Variants in ADAMTS19 observed in about 807,000 individuals in gnomAD.
ADAMTS19 encodes A disintegrin and metalloproteinase with thrombospondin motifs 19.
ADAMTS19 carries 93 observed loss-of-function variants against 153.3 expected under a neutral mutation model. The ratio of observed to expected loss-of-function variants is 0.61; its 90% CI spans 0.51 to 0.72. The LOEUF is 0.72. ADAMTS19 is among the 30% of genes least tolerant of loss of function. The pLI is 0.00. For synonymous variants in ADAMTS19, 600 were observed against 556.6 expected, an observed-to-expected ratio of 1.08 and a Z score of -1.10; for missense variants, 1,482 against 1,552.1, an observed-to-expected ratio of 0.95 and a Z score of 0.76.
intron 17 of ADAMTS19, among the ~76,000 whole-genome samples, chr5:129,680,550 AG>A (rs1172192974): frequency 6.6e-6 from 1 of 152,114 alleles, no homozygotes; most frequent in Non-Finnish European, 1.5e-5. Context: ...CAAGGTCAGG[AG>A]TTCGAGACCA....
chr5:129,597,635 G>A (rs952040405), intron 8 of ADAMTS19, among the ~76,000 whole-genome samples: 4 of 152,066 alleles, frequency 2.6e-5, no homozygotes, highest in South Asian at 2.1e-4. Flanking sequence ...GACCTGGCAC[G>A]GTGGCTCATG....
At chr5:129,645,919 C>T (rs1235305656) in intron 11 of ADAMTS19, among the ~76,000 whole-genome samples, 2 of 82,982 alleles carry the variant, frequency 2.4e-5, no homozygotes, top group East Asian at 4.5e-4. Context: ...GACGGAGTCT[C>T]GCTCTGTCGC....
intron 10 of ADAMTS19, among the ~76,000 whole-genome samples, chr5:129,635,468 C>A (rs1195155657): frequency 6.6e-6 from 1 of 152,152 alleles, no homozygotes; most frequent in South Asian, 2.1e-4. Flanking sequence ...GTGTTTACTG[C>A]AGCACTATTC....
intron 18 of ADAMTS19, among the ~76,000 whole-genome samples, chr5:129,689,880 T>C (rs1034854645): frequency 6.6e-6 from 1 of 152,242 alleles, no homozygotes; most frequent in Non-Finnish European, 1.5e-5. Context: ...AAAAACATCT[T>C]ATATTGACAG....
At chr5:129,667,294 C>T (rs1754096757) in intron 16 of ADAMTS19, among the ~76,000 whole-genome samples, 1 of 152,116 alleles carries the variant, frequency 6.6e-6, no homozygotes, top group African/African-American at 2.4e-5. Flanking sequence ...CTTTTCTCTG[C>T]TATATTCTGT....
At chr5:129,645,360 C>T (rs1753014107) in intron 11 of ADAMTS19, among the ~76,000 whole-genome samples, 2 of 152,086 alleles carry the variant, frequency 1.3e-5, no homozygotes, top group African/African-American at 4.8e-5. Flanking sequence ...TCTTATATAA[C>T]ATATTGTATA....
At chr5:129,559,544 C>T (rs912053444) in intron 7 of ADAMTS19, among the ~76,000 whole-genome samples, 2 of 152,072 alleles carry the variant, frequency 1.3e-5, no homozygotes, top group African/African-American at 4.8e-5. Context: ...AAACAATGTG[C>T]TTCAGGAGTG....
At chr5:129,473,337 G>T (rs748424703) in intron 2 of ADAMTS19, among the ~76,000 whole-genome samples, 1 of 152,150 alleles carries the variant, frequency 6.6e-6, no homozygotes, top group East Asian at 1.9e-4. Flanking sequence ...TCCATTATAA[G>T]ATTATTATGT....
At chr5:129,592,919 G>A (rs1255818650) in intron 7 of ADAMTS19, among the ~76,000 whole-genome samples, 3 of 152,060 alleles carry the variant, frequency 2.0e-5, no homozygotes, top group Non-Finnish European at 2.9e-5. Context: ...CTCTATGTAA[G>A]TATGCACTCA....
At chr5:129,470,440 C>T (rs1750025104) in intron 2 of ADAMTS19, among the ~76,000 whole-genome samples, 1 of 152,132 alleles carries the variant, frequency 6.6e-6, no homozygotes, top group Admixed American at 6.5e-5. Context: ...TTGGAGGTTT[C>T]CTGAAAGGAA....
At chr5:129,591,760 C>T (rs956876127) in intron 7 of ADAMTS19, among the ~76,000 whole-genome samples, 9 of 152,100 alleles carry the variant, frequency 5.9e-5, no homozygotes, top group Admixed American at 1.3e-4. Context: ...GGAGTTTGTA[C>T]CAAGAGTGCC....
intron 2 of ADAMTS19, among the ~76,000 whole-genome samples, chr5:129,503,422 A>G (rs1227292463): frequency 6.6e-6 from 1 of 152,250 alleles, no homozygotes; most frequent in East Asian, 1.9e-4. Context: ...TGAATATATC[A>G]TAAGAAAAAC....
At chr5:129,465,427 A>G (rs569975817) in intron 2 of ADAMTS19, among the ~76,000 whole-genome samples, 15 of 144,168 alleles carry the variant, frequency 1.0e-4, no homozygotes, top group South Asian at 8.7e-4. Flanking sequence ...TACTTAGATT[A>G]TTTTTTCCAG....
intron 2 of ADAMTS19, among the ~76,000 whole-genome samples, chr5:129,490,907 C>T (rs116435325): frequency 1.8e-3 from 269 of 152,144 alleles, no homozygotes; most frequent in Non-Finnish European, 2.9e-3. Flanking sequence ...TGTACTCCCT[C>T]GTTCTCTTTC....
At chr5:129,714,408 A>T (rs985053407) in intron 21 of ADAMTS19, among the ~76,000 whole-genome samples, 3 of 136,476 alleles carry the variant, frequency 2.2e-5, no homozygotes, top group Admixed American at 1.5e-4. Flanking sequence ...CCTGGGCGAC[A>T]GAGCGAGACT....
At chr5:129,716,187 A>AT (rs923297024) in intron 21 of ADAMTS19, among the ~76,000 whole-genome samples, 21 of 151,626 alleles carry the variant, frequency 1.4e-4, no homozygotes, top group East Asian at 7.8e-4. Context: ...ATTTTTATTT[A>AT]TTTTTTTTGT....
At chr5:129,546,162 C>T (rs1481604128) in intron 6 of ADAMTS19, among the ~76,000 whole-genome samples, 1 of 148,542 alleles carries the variant, frequency 6.7e-6, no homozygotes, top group Non-Finnish European at 1.5e-5. Flanking sequence ...CGCATATTCT[C>T]ACTCACAGGT....
At chr5:129,583,517 T>G (rs907240513) in intron 7 of ADAMTS19, among the ~76,000 whole-genome samples, 1 of 152,096 alleles carries the variant, frequency 6.6e-6, no homozygotes, top group Non-Finnish European at 1.5e-5. Flanking sequence ...TCCAAGTTGG[T>G]CCCATTCTCC....
chr5:129,631,361 G>C (rs1038229653), intron 10 of ADAMTS19, among the ~76,000 whole-genome samples: 1 of 151,722 alleles, frequency 6.6e-6, no homozygotes, highest in East Asian at 1.9e-4. Flanking sequence ...ATATTAATTA[G>C]GTCAAGGTTA....
Sources: gnomAD v4.1 joint callset for allele counts (sites outside exome capture counted in the v4.1 genomes callset) on GRCh38, gnomAD v4.1.1 for gene constraint, MANE v1.5 for transcripts, NCBI Gene and HGNC (gene_info 2026-07-23, HGNC 2026-07-21) for gene names.